KIF6: variants seen among roughly 807,000 people sequenced by gnomAD.
The protein encoded by KIF6 is kinesin family member 6.
Under a neutral mutation model 112.7 loss-of-function variants are expected in KIF6, and 106 were observed. The ratio of observed to expected loss-of-function variants is 0.94; its 90% CI spans 0.80 to 1.11. The LOEUF (loss-of-function observed/expected upper bound fraction) is 1.11, where lower values mean the gene tolerates loss of function less well. KIF6 is among the 50% of genes least tolerant of loss of function. The pLI is 0.00. For missense variants in KIF6, 929 were observed against 964.0 expected, an observed-to-expected ratio of 0.96 and a Z score of 0.48; for synonymous variants, 339 against 339.9, an observed-to-expected ratio of 1.00 and a Z score of 0.03.
At chr6:39,586,530 A>G in intron 7 of KIF6, 126 bp from the exon 8 acceptor site, 2 of 696,404 alleles carry the variant, frequency 2.9e-6, no homozygotes, top group Non-Finnish European at 5.0e-6. Context: ...TGAAGCCCAA[A>G]ACTTAAGTAC....
intron 5 of KIF6, among the ~76,000 whole-genome samples, chr6:39,621,240 T>C (rs1018373503): frequency 6.8e-5 from 10 of 146,064 alleles, no homozygotes; most frequent in Non-Finnish European, 1.2e-4. Context: ...CACGTACACA[T>C]ATATCTTTAA....
intron 13 of KIF6, among the ~76,000 whole-genome samples, chr6:39,535,493 T>G (rs1031957503): frequency 3.3e-5 from 5 of 152,064 alleles, no homozygotes; most frequent in Non-Finnish European, 7.4e-5. Flanking sequence ...TAAAGGGATC[T>G]ATTCAACAAG....
At chr6:39,521,398 A>C (rs894878923) in intron 13 of KIF6, among the ~76,000 whole-genome samples, 1 of 152,186 alleles carries the variant, frequency 6.6e-6, no homozygotes, top group Non-Finnish European at 1.5e-5. Flanking sequence ...TTTAGGAGAT[A>C]CAACACCAAT....
chr6:39,493,068 A>G (rs1052868984), intron 13 of KIF6, among the ~76,000 whole-genome samples: 1 of 152,194 alleles, frequency 6.6e-6, no homozygotes, highest in Non-Finnish European at 1.5e-5. Flanking sequence ...TTTATTAAAC[A>G]TTATATGCTT....
chr6:39,671,885 C>G (rs943150883), intron 3 of KIF6, among the ~76,000 whole-genome samples: 1 of 152,198 alleles, frequency 6.6e-6, no homozygotes, highest in African/African-American at 2.4e-5. Flanking sequence ...CTGGTTTCCT[C>G]CCATACTTCA....
chr6:39,604,923 T>C (rs576174213), intron 6 of KIF6, among the ~76,000 whole-genome samples: 5 of 152,142 alleles, frequency 3.3e-5, no homozygotes, highest in Non-Finnish European at 7.4e-5. Flanking sequence ...TCTGTGGATG[T>C]CAGGATTTGG....
At chr6:39,538,254 G>T (rs965624333) in intron 13 of KIF6, among the ~76,000 whole-genome samples, 3 of 151,218 alleles carry the variant, frequency 2.0e-5, no homozygotes, top group African/African-American at 4.9e-5. Context: ...CACAGCAAAA[G>T]AAACTACCAT....
intron 16 of KIF6, among the ~76,000 whole-genome samples, chr6:39,373,011 T>A (rs982201885): frequency 6.6e-6 from 1 of 152,188 alleles, no homozygotes; most frequent in Non-Finnish European, 1.5e-5. Flanking sequence ...CCTTTCTTGG[T>A]CCGAGATTTG....
intron 15 of KIF6, among the ~76,000 whole-genome samples, chr6:39,410,152 T>C (rs1769380621): frequency 6.6e-6 from 1 of 152,212 alleles, no homozygotes; most frequent in Non-Finnish European, 1.5e-5. Context: ...GGAGTCCTGG[T>C]TTATATACAG....
At chr6:39,717,582 T>A (rs1454153533) in intron 2 of KIF6, among the ~76,000 whole-genome samples, 1 of 152,106 alleles carries the variant, frequency 6.6e-6, no homozygotes, top group Non-Finnish European at 1.5e-5. Flanking sequence ...CTTTTCTCCA[T>A]GGCACGTAGC....
rs1770038112 is a variant in KIF6 at position 39,417,877 on chromosome 6, G to A, written c.1810+2071C>T. 2.6e-5 allele frequency among the ~76,000 whole-genome samples: 4 copies of A among 152,142 alleles called. No homozygotes were observed. The South Asian group carries it at 8.3e-4, about 31-fold the overall frequency. On this transcript the variant is annotated intron_variant, in intron 15 of 22. Transcript: ENST00000287152. ...GCAAAAGTTTATATTATTTCTTAGGGAGAAACAGTTTATAAAAGGTCTTCT... is the reference window on the plus strand; with the variant it reads ...GCAAAAGTTTATATTATTTCTTAGGAAGAAACAGTTTATAAAAGGTCTTCT...
At chr6:39,355,884 C>G (rs1214593072) in intron 19 of KIF6, among the ~76,000 whole-genome samples, 1 of 152,020 alleles carries the variant, frequency 6.6e-6, no homozygotes, top group East Asian at 1.9e-4. Flanking sequence ...CCCTATCGGG[C>G]AGTTTTACCT....
Position 39,443,165 on chromosome 6 carries a change from A to AAT in KIF6, c.1646-12005_1646-12004insAT, listed in dbSNP as rs1554217819. Among the ~76,000 whole-genome samples, 584 of 137,690 alleles carry AAT rather than the reference A, an allele frequency of 4.2e-3. 5 individuals carry two copies. The highest frequency in any genetic ancestry group is 0.029 in the East Asian group (118 of 4,112). 90.3% of individuals were successfully genotyped at this position (137,690 alleles called of 152,430 possible). On this transcript the variant is annotated intron_variant, in intron 13 of 22. Transcript: ENST00000287152. The stretch of plus-strand genomic sequence containing the variant: ...ATAATAATAATAATAATAATAAATA[A>AAT]AAATAAAAAAAAGAAAGAGGCTCCA...
At chr6:39,424,534 G>C (rs141702776) in intron 14 of KIF6, among the ~76,000 whole-genome samples, 10 of 152,340 alleles carry the variant, frequency 6.6e-5, no homozygotes, top group Non-Finnish European at 1.3e-4. Context: ...GTGAGCAAGT[G>C]TGTGTGCCAA....
chr6:39,365,805 C>T (rs779340047), intron 16 of KIF6, among the ~76,000 whole-genome samples: 2 of 152,164 alleles, frequency 1.3e-5, no homozygotes, highest in Non-Finnish European at 2.9e-5. Context: ...AAGCCCAGTA[C>T]GTGAGAGACT....
chr6:39,523,208 T>C (rs1261941805), intron 13 of KIF6, among the ~76,000 whole-genome samples: 1 of 152,082 alleles, frequency 6.6e-6, no homozygotes, highest in East Asian at 1.9e-4. Flanking sequence ...CAAATGTTTG[T>C]CTCATCTTTT....
At chr6:39,401,197 G>T (rs2150339332) in intron 15 of KIF6, among the ~76,000 whole-genome samples, 1 of 152,378 alleles carries the variant, frequency 6.6e-6, no homozygotes, top group Non-Finnish European at 1.5e-5. Flanking sequence ...AGTTGTTACA[G>T]TGGCCGGAGG....
intron 13 of KIF6, among the ~76,000 whole-genome samples, chr6:39,508,717 A>G (rs919782531): frequency 6.6e-6 from 1 of 152,148 alleles, no homozygotes; most frequent in African/African-American, 2.4e-5. Context: ...AGTGCAAACA[A>G]AGCGGCAGGG....
At chr6:39,415,973 C>T (rs1769892362) in intron 15 of KIF6, among the ~76,000 whole-genome samples, 1 of 152,098 alleles carries the variant, frequency 6.6e-6, no homozygotes, top group Non-Finnish European at 1.5e-5. Context: ...TATTACATTC[C>T]CCGTGATTTT....
Sources: allele counts gnomAD v4.1 joint callset (sites outside exome capture counted in the v4.1 genomes callset), GRCh38; gene constraint gnomAD v4.1.1; transcripts MANE v1.5; gene names NCBI Gene and HGNC (gene_info 2026-07-23, HGNC 2026-07-21).